PLPPR1: variants seen among roughly 807,000 people sequenced by gnomAD.
PLPPR1 encodes phospholipid phosphatase related 1.
Under a neutral mutation model 33.1 loss-of-function variants are expected in PLPPR1, and 10 were observed. That is an observed-to-expected ratio of 0.30 (90% CI 0.19 to 0.51). PLPPR1 has a LOEUF of 0.51. PLPPR1 is among the 20% of genes least tolerant of loss of function. The probability of loss-of-function intolerance (pLI) is 0.97; values close to 1 mark genes in which losing one functional copy is unlikely to be tolerated. For synonymous variants in PLPPR1, 151 were observed against 151.0 expected, an observed-to-expected ratio of 1.00 and a Z score of 0.00; for missense variants, 304 against 408.1, an observed-to-expected ratio of 0.74 and a Z score of 2.20.
chr9:101,142,836 G>A (rs532715912), intron 1 of PLPPR1, among the ~76,000 whole-genome samples: 30 of 152,250 alleles, frequency 2.0e-4, no homozygotes, highest in Non-Finnish European at 5.9e-5. Flanking sequence ...AGTGGGCAGA[G>A]GATGCAACTG....
intron 1 of PLPPR1, among the ~76,000 whole-genome samples, chr9:101,138,827 A>G (rs1050422358): frequency 1.6e-4 from 24 of 152,204 alleles, no homozygotes; most frequent in African/African-American, 5.8e-4. Context: ...AAAGTGGCAG[A>G]ACTAGGATTT....
chr9:101,219,236 C>T lies in PLPPR1; in HGVS notation c.63+33679C>T, dbSNP rs569233254. On this transcript the variant is annotated intron_variant, in intron 2 of 7. Coordinates refer to ENST00000374874, the MANE Select transcript of PLPPR1 (RefSeq NM_207299.2). Reference sequence around the variant, plus strand: ...CCAGACACCATGTAGATAGATGGTCCGTGGAGGTTCGCAGTTGGGTTACTT... The same window carrying T: ...CCAGACACCATGTAGATAGATGGTCTGTGGAGGTTCGCAGTTGGGTTACTT... Among the ~76,000 whole-genome samples the T allele has an allele frequency of 1.6e-4, 25 of 152,272 alleles. 1 individual carries two copies. The South Asian group carries it at 3.1e-3, about 19-fold the overall frequency.
At chr9:101,179,771 T>C (rs1826071333) in intron 1 of PLPPR1, among the ~76,000 whole-genome samples, 1 of 152,096 alleles carries the variant, frequency 6.6e-6, no homozygotes, top group Non-Finnish European at 1.5e-5. Context: ...GTATTAATCC[T>C]GAGTGTGTCT....
chr9:101,233,532 C>G (rs1234840989), intron 2 of PLPPR1, among the ~76,000 whole-genome samples: 2 of 151,898 alleles, frequency 1.3e-5, no homozygotes, highest in Non-Finnish European at 2.9e-5. Flanking sequence ...GCCATTGTAA[C>G]AGTATTAAGA....
chr9:101,294,428 G>A (rs1247512940), intron 4 of PLPPR1, among the ~76,000 whole-genome samples: 13 of 152,062 alleles, frequency 8.5e-5, no homozygotes, highest in Admixed American at 5.9e-4. Flanking sequence ...TAGAAAAAGA[G>A]GGAATCCTCC....
intron 3 of PLPPR1, among the ~76,000 whole-genome samples, 156 bp from the exon 4 acceptor site, chr9:101,285,948 G>A (rs1828385771): frequency 6.6e-6 from 1 of 152,126 alleles, no homozygotes; most frequent in South Asian, 2.1e-4. Context: ...TTCTTTTGAA[G>A]TGTTAAATGC....
chr9:101,091,947 C>T (rs1037987226), intron 1 of PLPPR1, among the ~76,000 whole-genome samples: 45 of 152,284 alleles, frequency 3.0e-4, no homozygotes, highest in African/African-American at 9.1e-4. Flanking sequence ...CCAAGGCATT[C>T]GAAACGCCTC....
intron 4 of PLPPR1, among the ~76,000 whole-genome samples, chr9:101,308,014 C>A (rs1828885990): frequency 6.6e-6 from 1 of 152,184 alleles, no homozygotes; most frequent in Non-Finnish European, 1.5e-5. Flanking sequence ...TGGGGCTAAT[C>A]CTCTGGAATT....
chr9:101,088,753 T>G (rs375539467), intron 1 of PLPPR1, among the ~76,000 whole-genome samples: 1 of 152,310 alleles, frequency 6.6e-6, no homozygotes, highest in African/African-American at 2.4e-5. Flanking sequence ...AAGATTACAA[T>G]GAGAAATGGT....
intron 1 of PLPPR1, among the ~76,000 whole-genome samples, chr9:101,073,874 T>C (rs573655962): frequency 6.6e-6 from 1 of 151,838 alleles, no homozygotes; most frequent in Admixed American, 6.6e-5. Flanking sequence ...TATGAATCTG[T>C]TTTATGGAGA....
chr9:101,196,532 C>T (rs1211972222), intron 2 of PLPPR1, among the ~76,000 whole-genome samples: 1 of 152,128 alleles, frequency 6.6e-6, no homozygotes, highest in African/African-American at 2.4e-5. Flanking sequence ...AAATTCTTGT[C>T]CCTTTATATA....
intron 1 of PLPPR1, among the ~76,000 whole-genome samples, chr9:101,144,078 A>C (rs1479175508): frequency 6.6e-6 from 1 of 152,216 alleles, no homozygotes; most frequent in Non-Finnish European, 1.5e-5. Context: ...ATGGAATACT[A>C]TGCAGTCATA....
intron 2 of PLPPR1, among the ~76,000 whole-genome samples, chr9:101,209,971 A>G (rs1388757566): frequency 6.6e-6 from 1 of 152,236 alleles, no homozygotes; most frequent in African/African-American, 2.4e-5. Flanking sequence ...CTTAGATGTG[A>G]AAAATGAGCC....
At chr9:101,119,322 T>C (rs1003052498) in intron 1 of PLPPR1, among the ~76,000 whole-genome samples, 1 of 152,146 alleles carries the variant, frequency 6.6e-6, no homozygotes, top group Non-Finnish European at 1.5e-5. Flanking sequence ...AGCCCACTGG[T>C]CTCCTGGGAG....
In PLPPR1 at chr9:101,319,246, G is replaced by A. The variant is rs149482866; in HGVS notation, c.945+1750G>A. ...GGCTGGAGTGCAGTGGCACAATCTC[G>A]GCTCACTGCAGCCTCCGCCTCCGGG... On this transcript the variant is annotated intron_variant, in intron 7 of 7. Coordinates refer to ENST00000374874, the MANE Select transcript of PLPPR1 (RefSeq NM_207299.2). Among the ~76,000 whole-genome samples the A allele has an allele frequency of 4.4e-4, 67 of 152,170 alleles. 1 individual carries two copies. In the East Asian group the frequency reaches 0.011, roughly 25 times the overall value.
chr9:101,067,942 A>G (rs565207481), intron 1 of PLPPR1, among the ~76,000 whole-genome samples: 1 of 152,216 alleles, frequency 6.6e-6, no homozygotes, highest in South Asian at 2.1e-4. Flanking sequence ...TACCTTCTTC[A>G]TAGGGCTGTT....
chr9:101,292,824 C>T (rs1371498989), intron 4 of PLPPR1, among the ~76,000 whole-genome samples: 1 of 151,836 alleles, frequency 6.6e-6, no homozygotes, highest in Non-Finnish European at 1.5e-5. Context: ...TGGAAAGGAA[C>T]AACCAGTACC....
intron 1 of PLPPR1, among the ~76,000 whole-genome samples, chr9:101,071,110 C>G (rs142535277): frequency 6.6e-6 from 1 of 152,002 alleles, no homozygotes; most frequent in Non-Finnish European, 1.5e-5. Flanking sequence ...CTGCACTAAA[C>G]GCAGGGTAAG....
At position 101,028,794 on chromosome 9, in the gene PLPPR1, A is replaced by C. The variant is rs1164944107; in HGVS notation, c.-354A>C. 1.3e-5 allele frequency: 2 copies of C among 152,370 alleles called. No individual in the cohort carries two copies. Among genetic ancestry groups the C allele is most frequent in the East Asian group, 3.9e-4 (2 of 5,164 alleles). 9.4% of individuals were successfully genotyped at this position (152,370 alleles called of 1,614,324 possible). ...GAAACCTGGACCCTGTGCAAGCTGC[A>C]GCGCCAGGAGGAGGCAGCGGAGGAA... On this transcript the variant is annotated 5_prime_UTR_variant, in exon 1 of 8. Transcript: ENST00000374874.
Sources: allele counts gnomAD v4.1 joint callset (sites outside exome capture counted in the v4.1 genomes callset), GRCh38; gene constraint gnomAD v4.1.1; transcripts MANE v1.5; gene names NCBI Gene and HGNC (gene_info 2026-07-23, HGNC 2026-07-21).